The following XXYLT1 variants were observed in gnomAD, a reference collection of about 807,000 sequenced individuals.
XXYLT1 encodes xyloside xylosyltransferase 1.
In XXYLT1, 20 loss-of-function variants were observed where a neutral mutation model predicts 28.9. The ratio of observed to expected loss-of-function variants is 0.69; its 90% CI spans 0.49 to 1.00. XXYLT1 has a LOEUF of 1.00. XXYLT1 is among the 50% of genes least tolerant of loss of function. The pLI is 0.00. For missense variants in XXYLT1, 542 were observed against 560.1 expected (o/e 0.97, Z 0.33); for synonymous variants, 257 against 253.8 (o/e 1.01, Z -0.12).
At chr3:195,126,222 G>T (rs1297250959) in intron 3 of XXYLT1, among the ~76,000 whole-genome samples, 1 of 152,216 alleles carries the variant, frequency 6.6e-6, no homozygotes, top group African/African-American at 2.4e-5. Flanking sequence ...GCAGGATAAG[G>T]CCGTGAATGA....
At chr3:195,096,644 ATTCCTTCTCCTCCTCAGGCC>A (rs1160194587) in intron 3 of XXYLT1, among the ~76,000 whole-genome samples, 1 of 143,322 alleles carries the variant, frequency 7.0e-6, no homozygotes. Context: ...CAAGGAAACC[ATTCCTTCTCCTCCTCAGGCC>A]TTCTCAGTGC....
At chr3:195,259,103 C>A (rs537957406) in intron 1 of XXYLT1, among the ~76,000 whole-genome samples, 1 of 152,258 alleles carries the variant, frequency 6.6e-6, no homozygotes, top group Admixed American at 6.5e-5. Flanking sequence ...TCTGTTATCC[C>A]GGCAGCACAG....
At chr3:195,119,095 G>A (rs1474072908) in intron 3 of XXYLT1, among the ~76,000 whole-genome samples, 1 of 151,776 alleles carries the variant, frequency 6.6e-6, no homozygotes, top group African/African-American at 2.4e-5. Context: ...GGCCAGCATG[G>A]TGAAACCCTG....
chr3:195,146,073 G>A (rs551102605), intron 3 of XXYLT1, among the ~76,000 whole-genome samples: 2 of 152,352 alleles, frequency 1.3e-5, no homozygotes, highest in Admixed American at 6.5e-5. Flanking sequence ...TGGAAGCAGA[G>A]GGATGGGAAC....
At chr3:195,117,165 T>G (rs1718090631) in intron 3 of XXYLT1, among the ~76,000 whole-genome samples, 1 of 147,204 alleles carries the variant, frequency 6.8e-6, no homozygotes, top group East Asian at 1.9e-4. Context: ...TCAGCACTCC[T>G]ACTCTTGGGA....
intron 2 of XXYLT1, among the ~76,000 whole-genome samples, chr3:195,190,326 C>T (rs922924229): frequency 2.0e-5 from 3 of 151,700 alleles, no homozygotes; most frequent in Non-Finnish European, 4.4e-5. Flanking sequence ...AAAACCCCAC[C>T]TCTACCAAAA....
chr3:195,073,313 G>T (rs2108637429), intron 3 of XXYLT1, among the ~76,000 whole-genome samples: 1 of 152,334 alleles, frequency 6.6e-6, no homozygotes, highest in East Asian at 1.9e-4. Flanking sequence ...ACGAGGCAGG[G>T]CAGTGAGTGT....
chr3:195,178,370 C>T (rs902368840), intron 2 of XXYLT1, among the ~76,000 whole-genome samples: 7 of 152,190 alleles, frequency 4.6e-5, no homozygotes, highest in African/African-American at 1.7e-4. Context: ...CATTTTCAGA[C>T]CAGCTTGAGA....
At chr3:195,175,895 G>GAA in intron 2 of XXYLT1, 20 of 1,142,128 alleles carry the variant, frequency 1.8e-5, no homozygotes, top group African/African-American at 9.5e-5. Flanking sequence ...GTGTGGGAAA[G>GAA]AAAAAAAAAA....
intron 1 of XXYLT1, among the ~76,000 whole-genome samples, chr3:195,249,382 A>G (rs928797614): frequency 4.6e-5 from 7 of 152,216 alleles, no homozygotes; most frequent in African/African-American, 1.7e-4. Flanking sequence ...TACGGCTCAC[A>G]TCAGCACACA....
chr3:195,107,016 T>C (rs1449912975), intron 3 of XXYLT1, among the ~76,000 whole-genome samples: 9 of 152,210 alleles, frequency 5.9e-5, no homozygotes, highest in African/African-American at 2.2e-4. Context: ...TCTTTTTCTG[T>C]TGGCAATGGG....
At chr3:195,253,086 C>T (rs1255383061) in intron 1 of XXYLT1, among the ~76,000 whole-genome samples, 1 of 152,168 alleles carries the variant, frequency 6.6e-6, no homozygotes, top group Admixed American at 6.5e-5. Flanking sequence ...AAGGGCTCTC[C>T]GTGGAGCCCA....
At chr3:195,248,041 T>C (rs998778802) in intron 1 of XXYLT1, 1 of 521,846 alleles carries the variant, frequency 1.9e-6, no homozygotes, top group East Asian at 3.3e-5. Flanking sequence ...CCAAACCTTA[T>C]CAGCCACTTT....
rs1004627038 is a variant in XXYLT1, at chr3:195,075,433, G to C, written c.786-5322C>G. 5.9e-5 allele frequency among the ~76,000 whole-genome samples: 9 copies of C among 152,228 alleles called. 1 individual carries two copies. The highest frequency in any genetic ancestry group is 2.2e-4 in the African/African-American group (9 of 41,458). ...CTGGCCTGTCCAGGGTCACGCTGCTGAAAGGGCAACTCCACATTTCCAGGC... is the reference window on the plus strand; with the variant it reads ...CTGGCCTGTCCAGGGTCACGCTGCTCAAAGGGCAACTCCACATTTCCAGGC... On this transcript the variant is annotated intron_variant, in intron 3 of 3. Transcript: ENST00000310380.
chr3:195,096,579 T>C (rs1334959309), intron 3 of XXYLT1, among the ~76,000 whole-genome samples: 2 of 152,234 alleles, frequency 1.3e-5, no homozygotes, highest in African/African-American at 4.8e-5. Context: ...CATCTGAAGT[T>C]GAACTCGTTT....
rs1715096246 is a variant in XXYLT1 at position 195,076,065 on chromosome 3, A to G, written c.786-5954T>C. Among the ~76,000 whole-genome samples the G allele has an allele frequency of 6.6e-6, 1 of 152,082 alleles. No individual in the cohort carries two copies. The highest frequency in any genetic ancestry group is 2.4e-5 in the African/African-American group (1 of 41,400). ...CTCCCCTCCAGAAAGAACCAGCACCACGGCCTCCGCCTCCTGGAGCCTCTC... is the reference window on the plus strand; with the variant it reads ...CTCCCCTCCAGAAAGAACCAGCACCGCGGCCTCCGCCTCCTGGAGCCTCTC... On this transcript the variant is annotated intron_variant, in intron 3 of 3. Coordinates refer to ENST00000310380, the MANE Select transcript of XXYLT1 (RefSeq NM_152531.5). This position sits in a 1 kb window ranked among gnomAD's most constrained non-coding sequence, Gnocchi z 5.3.
intron 1 of XXYLT1, 63 bp from the exon 2 acceptor site, chr3:195,226,919 C>T: frequency 1.3e-6 from 2 of 1,572,004 alleles, no homozygotes; most frequent in Non-Finnish European, 1.7e-6. Flanking sequence ...GCTCAACACC[C>T]AACAAGCACC....
intron 3 of XXYLT1, among the ~76,000 whole-genome samples, chr3:195,128,891 T>C (rs62290344): frequency 0.13 from 20,007 of 152,276 alleles, 1,760 homozygotes; most frequent in East Asian, 0.41. Flanking sequence ...AATGACTGGC[T>C]GACTGAATAA....
At position 195,164,093 on chromosome 3, in the gene XXYLT1, G is replaced by T. The variant is rs35940470; in HGVS notation, c.653-7512C>A. 9.4e-3 allele frequency among the ~76,000 whole-genome samples: 1,439 copies of T among 152,350 alleles called. 9 individuals are homozygous for T. Among genetic ancestry groups the T allele is most frequent in the Non-Finnish European group, 0.015 (1,032 of 68,024 alleles). ...ACCCCCAAATAAATGGGATGCAGTTGTAAATAAGAAAGGAAAGAACTGATA... is the reference window on the plus strand; with the variant it reads ...ACCCCCAAATAAATGGGATGCAGTTTTAAATAAGAAAGGAAAGAACTGATA... On this transcript the variant is annotated intron_variant, in intron 2 of 3. Transcript: ENST00000310380.
Sources: gnomAD v4.1 joint callset for allele counts (sites outside exome capture counted in the v4.1 genomes callset) on GRCh38, gnomAD v4.1.1 for gene constraint, Gnocchi (gnomAD v3.1) non-coding constraint, MANE v1.5 for transcripts, NCBI Gene and HGNC (gene_info 2026-07-23, HGNC 2026-07-21) for gene names.